DNER: variants seen among roughly 807,000 people sequenced by gnomAD.
The protein encoded by DNER is delta and Notch-like epidermal growth factor-related receptor.
In DNER, 33 loss-of-function variants were observed where a neutral mutation model predicts 78.2. That is an observed-to-expected ratio of 0.42 (90% confidence interval 0.32 to 0.56). The LOEUF is 0.56. Among genes scored for constraint, DNER ranks in the 20% least tolerant of loss-of-function variants. The probability of loss-of-function intolerance (pLI) is 0.11; values close to 1 mark genes in which losing one functional copy is unlikely to be tolerated. For synonymous variants in DNER, 417 were observed against 384.8 expected (o/e 1.08, Z -0.98); for missense variants, 918 against 975.3 (o/e 0.94, Z 0.78).
intron 6 of DNER, among the ~76,000 whole-genome samples, chr2:229,488,415 C>T (rs1261248571): frequency 1.3e-5 from 2 of 152,110 alleles, no homozygotes; most frequent in Non-Finnish European, 2.9e-5. Context: ...GTGTTATGTG[C>T]ATGTGTGTAT....
At chr2:229,685,216 A>G (rs1161296101) in intron 1 of DNER, among the ~76,000 whole-genome samples, 1 of 152,266 alleles carries the variant, frequency 6.6e-6, no homozygotes, top group African/African-American at 2.4e-5. Flanking sequence ...TTTGCAATTC[A>G]ACAGTTATTT....
At chr2:229,446,602 A>T (rs564654507) in intron 8 of DNER, among the ~76,000 whole-genome samples, 1 of 152,342 alleles carries the variant, frequency 6.6e-6, no homozygotes, top group Admixed American at 6.5e-5. Flanking sequence ...ATGGAGACAT[A>T]CACAGAATAG....
At chr2:229,647,578 T>A (rs1469274429) in intron 1 of DNER, among the ~76,000 whole-genome samples, 1 of 152,194 alleles carries the variant, frequency 6.6e-6, no homozygotes, top group Non-Finnish European at 1.5e-5. Context: ...TATTCAGAAA[T>A]GTGCACAAAG....
rs147002066 is a variant in DNER, at chr2:229,367,112, T to A, written c.1863A>T (p.Gln621His). The stretch of plus-strand genomic sequence containing the variant: ...TCTCCGCCATGTGCCCGGACTTCCA[T>A]TGGAGGTCTGCAGGCAAAAATAAGC... Reference protein sequence around the residue: ...WVGANCEIHLQWKSGHMAESL... With the variant: ...WVGANCEIHLHWKSGHMAESL... The change falls in exon 12 of 13, where the codon CAA (glutamine) becomes CAT (histidine). Residue 621 changes from glutamine to histidine, a missense_variant. Gln to His is a conservative substitution (Grantham distance 24). Coordinates refer to ENST00000341772, the MANE Select transcript of DNER (RefSeq NM_139072.4). 19 of 1,613,966 alleles carry A rather than the reference T, an allele frequency of 1.2e-5. No homozygotes were observed. The highest frequency in any genetic ancestry group is 3.3e-5 in the Admixed American group (2 of 59,986).
intron 1 of DNER, among the ~76,000 whole-genome samples, chr2:229,637,616 C>T (rs1411216621): frequency 6.6e-6 from 1 of 152,182 alleles, no homozygotes; most frequent in African/African-American, 2.4e-5. Context: ...GGTGCTCTAG[C>T]GTGTATCTCT....
chr2:229,399,486 G>A (rs1328124493), intron 10 of DNER, among the ~76,000 whole-genome samples: 4 of 151,974 alleles, frequency 2.6e-5, no homozygotes, highest in Non-Finnish European at 5.9e-5. Flanking sequence ...TGATATACTG[G>A]TTTATTGTAA....
At chr2:229,615,484 T>C (rs1034758517) in intron 1 of DNER, among the ~76,000 whole-genome samples, 4 of 146,424 alleles carry the variant, frequency 2.7e-5, no homozygotes, top group Non-Finnish European at 6.0e-5. Context: ...CCGAGGCGGG[T>C]GGATCACGAG....
intron 11 of DNER, among the ~76,000 whole-genome samples, chr2:229,379,094 G>A (rs1342470732): frequency 3.9e-5 from 6 of 152,166 alleles, no homozygotes; most frequent in Non-Finnish European, 5.9e-5. Context: ...CGGCGTCCAG[G>A]TATGCACTGA....
At chr2:229,545,646 T>TAA (rs1436791886) in intron 5 of DNER, among the ~76,000 whole-genome samples, 2 of 152,208 alleles carry the variant, frequency 1.3e-5, no homozygotes, top group Non-Finnish European at 2.9e-5. Context: ...GGTCCTTTGT[T>TAA]CATCTGACTC....
chr2:229,413,972 G>A (rs574571397), intron 9 of DNER, among the ~76,000 whole-genome samples: 1 of 151,840 alleles, frequency 6.6e-6, no homozygotes, highest in South Asian at 2.1e-4. Flanking sequence ...ACAGACATAC[G>A]ATATGTAAAT....
chr2:229,565,144 C>T (rs1697079807), intron 4 of DNER, among the ~76,000 whole-genome samples: 1 of 152,112 alleles, frequency 6.6e-6, no homozygotes, highest in African/African-American at 2.4e-5. Flanking sequence ...ACGGCAGGTC[C>T]TAAGTGGAAC....
intron 11 of DNER, 90 bp downstream of exon 11, chr2:229,388,175 G>C: frequency 2.0e-6 from 3 of 1,489,846 alleles, no homozygotes; most frequent in Non-Finnish European, 2.7e-6. Flanking sequence ...GGGCTTTCTG[G>C]TCACAGTCGG....
intron 5 of DNER, among the ~76,000 whole-genome samples, 153 bp downstream of exon 5, chr2:229,546,794 T>TAGACAGAC (rs201921750): frequency 3.5e-5 from 5 of 144,218 alleles, no homozygotes; most frequent in African/African-American, 8.2e-5. Context: ...GACAGATAGA[T>TAGACAGAC]AGATAGATAG....
At chr2:229,655,761 C>T (rs192282991) in intron 1 of DNER, among the ~76,000 whole-genome samples, 9 of 152,024 alleles carry the variant, frequency 5.9e-5, no homozygotes, top group Admixed American at 5.2e-4. Context: ...GGAAATCATC[C>T]TGGATTGGGT....
At chr2:229,628,193 A>G (rs975620007) in intron 1 of DNER, among the ~76,000 whole-genome samples, 1 of 152,198 alleles carries the variant, frequency 6.6e-6, no homozygotes, top group Non-Finnish European at 1.5e-5. Flanking sequence ...GCCCTGAAGC[A>G]TGAGACACCG....
At chr2:229,400,302 G>T (rs894097299) in intron 10 of DNER, among the ~76,000 whole-genome samples, 1 of 152,002 alleles carries the variant, frequency 6.6e-6, no homozygotes, top group African/African-American at 2.4e-5. Context: ...ACATGTCCAT[G>T]GGTTAGTATA....
Position 229,586,160 on chromosome 2 carries a change from A to AT in DNER, c.681-137dup, listed in dbSNP as rs1255559286. On this transcript the variant is annotated intron_variant, in intron 3 of 12. Coordinates refer to ENST00000341772, the MANE Select transcript of DNER (RefSeq NM_139072.4). The stretch of plus-strand genomic sequence containing the variant: ...ACCAGGAGATCGATGGCATAAACAG[A>AT]TACGCGGGCGTCCACTGTAAAGGCG... The AT allele has an allele frequency of 2.0e-5, 22 of 1,083,644 alleles. No homozygotes were observed. The Admixed American group carries it at 6.1e-4, about 30-fold the overall frequency. 67.1% of individuals were successfully genotyped at this position (1,083,644 alleles called of 1,614,324 possible).
chr2:229,395,262 A>G lies in DNER; in HGVS notation c.1724-6866T>C, dbSNP rs944444007. Among the ~76,000 whole-genome samples the G allele has an allele frequency of 2.0e-5, 3 of 152,204 alleles. No homozygotes were observed. In the East Asian group the frequency reaches 5.8e-4, roughly 29 times the overall value. ...CTTGGCCGAAAATGATTATTACTAC[A>G]AGGGGATACTCATTTCTTTGGGAAT... On this transcript the variant is annotated intron_variant, in intron 10 of 12. Transcript: ENST00000341772.
chr2:229,651,158 G>T (rs974562951), intron 1 of DNER, among the ~76,000 whole-genome samples: 4 of 152,178 alleles, frequency 2.6e-5, no homozygotes, highest in Non-Finnish European at 5.9e-5. Context: ...ACTGGTTACT[G>T]CTTCCCAGAG....
Sources: allele counts gnomAD v4.1 joint callset (sites outside exome capture counted in the v4.1 genomes callset), GRCh38; gene constraint gnomAD v4.1.1; transcripts MANE v1.5; gene names NCBI Gene and HGNC (gene_info 2026-07-23, HGNC 2026-07-21).